The following PCDH15 variants were observed in gnomAD, a reference collection of about 807,000 sequenced individuals.
PCDH15 encodes protocadherin related 15.
Under a neutral mutation model 178.5 loss-of-function variants are expected in PCDH15, and 129 were observed. That is an observed-to-expected ratio of 0.72 (90% CI 0.63 to 0.84). The LOEUF is 0.84. PCDH15 is among the 40% of genes least tolerant of loss of function. PCDH15 has a pLI of 0.00. For missense variants in PCDH15, 2,230 were observed against 2,099.9 expected, an observed-to-expected ratio of 1.06 and a Z score of -1.21; for synonymous variants, 800 against 732.0, an observed-to-expected ratio of 1.09 and a Z score of -1.50.
intron 3 of PCDH15, among the ~76,000 whole-genome samples, chr10:54,838,245 C>T (rs540120383): frequency 6.6e-6 from 1 of 152,160 alleles, no homozygotes; most frequent in East Asian, 1.9e-4. Context: ...TTGTAATCAC[C>T]ATAATCCCCA....
intron 2 of PCDH15, among the ~76,000 whole-genome samples, chr10:55,385,694 T>TAC (rs1565084175): frequency 0.011 from 179 of 15,674 alleles, no homozygotes; most frequent in African/African-American, 0.067. Flanking sequence ...TTCCTCTGCC[T>TAC]ATATATATAT....
chr10:54,164,501 T>A (rs1387239702), intron 13 of PCDH15, among the ~76,000 whole-genome samples: 1 of 152,170 alleles, frequency 6.6e-6, no homozygotes, highest in Non-Finnish European at 1.5e-5. Context: ...ATATACCCAG[T>A]TGAATGTATC....
At chr10:54,392,685 GGTC>G (rs1267863415) in intron 3 of PCDH15, among the ~76,000 whole-genome samples, 1 of 151,592 alleles carries the variant, frequency 6.6e-6, no homozygotes, top group African/African-American at 2.4e-5. Flanking sequence ...GATCACTTAA[GGTC>G]AGGAGTTTGA....
At position 53,892,020 on chromosome 10, in the gene PCDH15, G is replaced by GTTTTT. The variant is rs869122093; in HGVS notation, c.3501+11218_3501+11222dup. Among the ~76,000 whole-genome samples, 39 of 91,868 alleles carry GTTTTT rather than the reference G, an allele frequency of 4.2e-4. 1 individual carries two copies. Among genetic ancestry groups the GTTTTT allele is most frequent in the African/African-American group, 1.5e-3 (36 of 23,342 alleles). The allele number at this position is 91,868 out of a possible 152,430, so 60.3% of individuals were successfully genotyped here. ...GTTATCAGAGCAGCTTTACATCTAT[G>GTTTTT]TTTTTTTTTTTTTTTTTTTTTTTTC... On this transcript the variant is annotated intron_variant, in intron 26 of 37. Transcript: ENST00000644397.
At chr10:54,148,845 G>A (rs2044237317) in intron 14 of PCDH15, among the ~76,000 whole-genome samples, 2 of 151,284 alleles carry the variant, frequency 1.3e-5, no homozygotes, top group South Asian at 4.2e-4. Flanking sequence ...CCTAAAATCT[G>A]CCTCCCACAG....
chr10:54,608,758 T>C (rs1223398978), intron 2 of PCDH15, among the ~76,000 whole-genome samples: 1 of 152,012 alleles, frequency 6.6e-6, no homozygotes, highest in Non-Finnish European at 1.5e-5. Flanking sequence ...TTGTTTAGTG[T>C]AGTTTAGTAA....
intron 5 of PCDH15, among the ~76,000 whole-genome samples, chr10:54,361,585 A>T (rs1946059146): frequency 6.6e-6 from 1 of 151,982 alleles, no homozygotes; most frequent in Non-Finnish European, 1.5e-5. Flanking sequence ...TTAGAAATTA[A>T]TTAATTTTCC....
intron 2 of PCDH15, among the ~76,000 whole-genome samples, chr10:55,020,943 T>A (rs1225162521): frequency 2.0e-5 from 3 of 152,186 alleles, no homozygotes; most frequent in South Asian, 4.1e-4. Context: ...AAATGCAGAT[T>A]CACAGAGCCA....
At chr10:55,321,766 A>T (rs1418804805), upstream of PCDH15, among the ~76,000 whole-genome samples, 1 of 152,228 alleles carries the variant, frequency 6.6e-6, no homozygotes, top group Non-Finnish European at 1.5e-5. Flanking sequence ...AAGCTTCATA[A>T]GTGAAGAAGA....
chr10:53,967,925 C>G (rs2089217343), intron 21 of PCDH15, among the ~76,000 whole-genome samples: 1 of 152,130 alleles, frequency 6.6e-6, no homozygotes, highest in Admixed American at 6.6e-5. Context: ...ATAGGAACAG[C>G]TCCAGTCTAC....
At chr10:54,348,037 A>G (rs1243102212) in intron 5 of PCDH15, among the ~76,000 whole-genome samples, 1 of 151,832 alleles carries the variant, frequency 6.6e-6, no homozygotes, top group Middle Eastern at 3.4e-3. Flanking sequence ...TTTAGTAGAG[A>G]TGGGGTTTCA....
At chr10:54,476,744 A>C (rs929314531) in intron 3 of PCDH15, among the ~76,000 whole-genome samples, 1 of 152,124 alleles carries the variant, frequency 6.6e-6, no homozygotes, top group Admixed American at 6.6e-5. Flanking sequence ...AACCTTTTCT[A>C]CACTCCAGGT....
At chr10:54,339,622 C>T (rs147932537) in intron 6 of PCDH15, among the ~76,000 whole-genome samples, 1 of 152,264 alleles carries the variant, frequency 6.6e-6, no homozygotes, top group African/African-American at 2.4e-5. Context: ...GACAAAGATT[C>T]TTTGCCTGGC....
At chr10:55,501,233 G>C (rs189913068) in intron 2 of PCDH15, among the ~76,000 whole-genome samples, 23 of 151,716 alleles carry the variant, frequency 1.5e-4, no homozygotes, top group Non-Finnish European at 2.9e-4. Context: ...AGGAAAGGAG[G>C]GATCCACCTC....
chr10:54,777,232 T>C (rs1285783255), intron 1 of PCDH15, among the ~76,000 whole-genome samples: 1 of 152,180 alleles, frequency 6.6e-6, no homozygotes, highest in East Asian at 1.9e-4. Flanking sequence ...TATACAATAC[T>C]ATCTATTTCA....
chr10:54,551,538 A>G (rs2086614593), intron 2 of PCDH15, among the ~76,000 whole-genome samples: 1 of 152,278 alleles, frequency 6.6e-6, no homozygotes, highest in African/African-American at 2.4e-5. Flanking sequence ...ATAGCTACAC[A>G]GATATTAGAA....
chr10:54,382,285 G>A (rs1178160471), intron 3 of PCDH15, among the ~76,000 whole-genome samples: 1 of 152,034 alleles, frequency 6.6e-6, no homozygotes, highest in African/African-American at 2.4e-5. Flanking sequence ...TAACTTTGCA[G>A]CTTCTTTTTA....
chr10:54,573,135 T>G (rs1311200461), intron 2 of PCDH15, among the ~76,000 whole-genome samples: 1 of 152,158 alleles, frequency 6.6e-6, no homozygotes, highest in Non-Finnish European at 1.5e-5. Flanking sequence ...TATATAATTT[T>G]TCTATCAATT....
At chr10:54,522,434 C>T (rs2082975108) in intron 3 of PCDH15, among the ~76,000 whole-genome samples, 2 of 152,160 alleles carry the variant, frequency 1.3e-5, no homozygotes, top group Admixed American at 1.3e-4. Context: ...TGAATTTATT[C>T]CTCTGTCTAT....
Sources: gnomAD v4.1 joint callset for allele counts (sites outside exome capture counted in the v4.1 genomes callset) on GRCh38, gnomAD v4.1.1 for gene constraint, MANE v1.5 for transcripts, NCBI Gene and HGNC (gene_info 2026-07-23, HGNC 2026-07-21) for gene names.